Variants in WFDC8 observed in about 807,000 individuals in gnomAD.
The protein encoded by WFDC8 is WAP four-disulfide core domain protein 8.
A neutral mutation model predicts 27.0 loss-of-function variants in WFDC8; 24 were observed. That is an observed-to-expected ratio of 0.89 (90% CI 0.64 to 1.25). The LOEUF (loss-of-function observed/expected upper bound fraction) is 1.25, where lower values mean the gene tolerates loss of function less well. Ranked by LOEUF, WFDC8 falls within the 50% of genes most tolerant of loss-of-function variation. The pLI is 0.00. For missense variants in WFDC8, 287 were observed against 295.9 expected (o/e 0.97, Z 0.22); for synonymous variants, 106 against 99.7 (o/e 1.06, Z -0.38).
intron 1 of WFDC8, among the ~76,000 whole-genome samples, chr20:45,574,264 T>C (rs1752022818): frequency 1.3e-5 from 2 of 152,158 alleles, no homozygotes; most frequent in South Asian, 4.1e-4. Context: ...CTTCATGACT[T>C]CATTCTACCA....
intron 1 of WFDC8, among the ~76,000 whole-genome samples, chr20:45,572,599 T>C (rs945233744): frequency 2.4e-4 from 36 of 152,078 alleles, no homozygotes; most frequent in African/African-American, 8.7e-4. Context: ...ATTTATTTAT[T>C]TACTAACTTA....
At chr20:45,579,022 G>A (rs184960908) in intron 1 of WFDC8, among the ~76,000 whole-genome samples, 200 bp downstream of exon 1, 5 of 152,186 alleles carry the variant, frequency 3.3e-5, no homozygotes, top group East Asian at 1.9e-4. Context: ...CAGGAGAATC[G>A]CTGGATGCAT....
rs749457549 is a variant in WFDC8 at position 45,562,219 on chromosome 20, C to T, written c.27G>A (p.Gly9=). 19 of 1,612,934 alleles carry T rather than the reference C, an allele frequency of 1.2e-5. No homozygotes were observed. Among genetic ancestry groups the T allele is most frequent in the Admixed American group, 1.7e-5 (1 of 59,972 alleles). ...AGGTGGGGCTATGGAGAGGAAAGTG[C>T]CTGTATGGATGAGAAGAGAGGTGGG... The part of the protein sequence containing the change: MWTVRTEG[G]HFPLHSPTFS... Residue 9 remains glycine (G), a splice_region_variant and synonymous_variant, in exon 2 of 6, where the codon GGG becomes GGA. Transcript: ENST00000289953.
In WFDC8 at chr20:45,557,433, T is replaced by G. The variant is rs139681319; in HGVS notation, c.277+1419A>C. On this transcript the variant is annotated intron_variant, in intron 3 of 5. Transcript: ENST00000289953. ...AGATGTGTTTTGCTTTATTTTCTTT[T>G]GTTTTTTTTTGTTTTTTGAGAAGGA... Among the ~76,000 whole-genome samples, 1,211 of 152,080 alleles carry G rather than the reference T, an allele frequency of 8.0e-3. 20 individuals are homozygous for G. Among genetic ancestry groups the G allele is most frequent in the African/African-American group, 0.028 (1,171 of 41,404 alleles).
At chr20:45,565,094 GGGAAAGAA>G (rs1980630841) in intron 1 of WFDC8, among the ~76,000 whole-genome samples, 1 of 147,346 alleles carries the variant, frequency 6.8e-6, no homozygotes, top group Non-Finnish European at 1.5e-5. Context: ...GAAAGAGGGA[GGGAAAGAA>G]GGAAAGAAGG....
chr20:45,560,019 AAAATT>A (rs1220400628), intron 2 of WFDC8: 7 of 152,232 alleles, frequency 4.6e-5, no homozygotes, highest in African/African-American at 1.7e-4. Flanking sequence ...ATTTTGCAGA[AAAATT>A]AAAGACCCAA....
At chr20:45,555,648 T>G in intron 4 of WFDC8, 53 bp downstream of exon 4, 1 of 1,593,988 alleles carries the variant, frequency 6.3e-7, no homozygotes, top group Non-Finnish European at 8.6e-7. Flanking sequence ...ACCTCATTGG[T>G]ATACTATTTC....
intron 1 of WFDC8, among the ~76,000 whole-genome samples, chr20:45,570,347 A>G (rs1050498435): frequency 3.3e-5 from 5 of 152,236 alleles, no homozygotes; most frequent in African/African-American, 1.2e-4. Flanking sequence ...TGCTTTCCAT[A>G]TATTTTAAAT....
chr20:45,564,842 G>C (rs1980598479), intron 1 of WFDC8, among the ~76,000 whole-genome samples: 2 of 147,814 alleles, frequency 1.4e-5, no homozygotes, highest in Non-Finnish European at 3.0e-5. Context: ...ACCCTGTGGA[G>C]GAAGGGAAAG....
chr20:45,565,909 A>T (rs558308701), intron 1 of WFDC8, among the ~76,000 whole-genome samples: 2 of 146,648 alleles, frequency 1.4e-5, no homozygotes, highest in South Asian at 2.1e-4. Context: ...CAAGTTTTTT[A>T]AAAAATATAT....
In WFDC8 at chr20:45,553,192, T is replaced by G. The variant is rs573066161; in HGVS notation, c.530A>C (p.Gln177Pro). 6.2e-7 allele frequency: 1 copy of G among 1,613,868 alleles called. No individual in the cohort carries two copies. The highest frequency in any genetic ancestry group is 1.7e-5 in the Admixed American group (1 of 59,998). Residue 177 changes from glutamine to proline, a missense_variant, in exon 5 of 6, where the codon CAG (glutamine) becomes CCG (proline). Gln to Pro is a moderately conservative substitution (Grantham distance 76). Transcript: ENST00000289953. Reference sequence around the variant, plus strand: ...CCTGGATTCACAACATTTGTCTGTCTGGGGACAATCGATGTCACTGTGACA... The same window carrying G: ...CCTGGATTCACAACATTTGTCTGTCGGGGGACAATCGATGTCACTGTGACA... ...PSCHSDIDCP[Q>P]TDKCCESRCG... is the part of the protein sequence containing the mutation.
Position 45,551,844 on chromosome 20 carries a change from GA to G in WFDC8, c.*181del. 4 of 730,900 alleles carry G rather than the reference GA, an allele frequency of 5.5e-6. No individual in the cohort carries two copies. The highest frequency in any genetic ancestry group is 4.1e-4 in the Middle Eastern group (1 of 2,438). 45.3% of individuals were successfully genotyped at this position (730,900 alleles called of 1,614,324 possible). ...GACAAGAAAATAAAGTCATGAAGTT[GA>G]AAAAAAGCCAAATATATCATCACTT... On this transcript the variant is annotated 3_prime_UTR_variant, in exon 6 of 6. Transcript: ENST00000289953.
chr20:45,572,851 C>T lies in WFDC8; in HGVS notation c.26+6371G>A, dbSNP rs555831433. 2.0e-5 allele frequency among the ~76,000 whole-genome samples: 3 copies of T among 152,344 alleles called. No individual in the cohort carries two copies. The South Asian group carries it at 6.2e-4, about 32-fold the overall frequency. On this transcript the variant is annotated intron_variant, in intron 1 of 5. Coordinates refer to ENST00000289953, the MANE Select transcript of WFDC8 (RefSeq NM_130896.3). Reference sequence around the variant, plus strand: ...TGAACTCCTGGCCTCAAGTGATCTTCCTGCCTTGGCCTCCCAAAGTGTTGG... The same window carrying T: ...TGAACTCCTGGCCTCAAGTGATCTTTCTGCCTTGGCCTCCCAAAGTGTTGG...
intron 3 of WFDC8, among the ~76,000 whole-genome samples, chr20:45,558,426 T>A (rs1466294312): frequency 6.6e-6 from 1 of 152,212 alleles, no homozygotes; most frequent in Non-Finnish European, 1.5e-5. Context: ...AGTGAGTGAA[T>A]AAATGAATCT....
At chr20:45,553,107 G>C (rs1980100571) in intron 5 of WFDC8, 29 bp downstream of exon 5, 1 of 1,598,686 alleles carries the variant, frequency 6.3e-7, no homozygotes, top group African/African-American at 1.3e-5. Context: ...ATGCCCAATA[G>C]ATTTGGGAGG....
chr20:45,563,824 T>C (rs1428761845), intron 1 of WFDC8, among the ~76,000 whole-genome samples: 1 of 152,200 alleles, frequency 6.6e-6, no homozygotes, highest in African/African-American at 2.4e-5. Context: ...TAACCCAGTC[T>C]TGAGAATCAG....
chr20:45,570,641 G>A (rs1381596244), intron 1 of WFDC8, among the ~76,000 whole-genome samples: 1 of 152,150 alleles, frequency 6.6e-6, no homozygotes. Context: ...GTATTTTTAT[G>A]AACCTAAGTA....
intron 2 of WFDC8, among the ~76,000 whole-genome samples, chr20:45,560,035 G>A (rs1156725733): frequency 6.6e-6 from 1 of 152,160 alleles, no homozygotes; most frequent in Non-Finnish European, 1.5e-5. Flanking sequence ...AAAGACCCAA[G>A]TTAGTTGACT....
intron 1 of WFDC8, chr20:45,568,758 A>G (rs528599439): frequency 7.3e-4 from 355 of 488,158 alleles, no homozygotes; most frequent in Non-Finnish European, 4.7e-4. Flanking sequence ...AGAGAGTTCA[A>G]TGTGACACTC....
Sources: allele counts gnomAD v4.1 joint callset (sites outside exome capture counted in the v4.1 genomes callset), GRCh38; gene constraint gnomAD v4.1.1; transcripts MANE v1.5; gene names NCBI Gene and HGNC (gene_info 2026-07-23, HGNC 2026-07-21).